TRABD2B: variants seen among roughly 807,000 people sequenced by gnomAD.
The protein encoded by TRABD2B is metalloprotease TIKI2.
In TRABD2B, 14 loss-of-function variants were observed where a neutral mutation model predicts 40.1. That is an observed-to-expected ratio of 0.35 (90% CI 0.23 to 0.55). TRABD2B has a LOEUF of 0.55. Among genes scored for constraint, TRABD2B ranks in the 20% least tolerant of loss-of-function variants. The pLI is 0.90. For missense variants in TRABD2B, 541 were observed against 648.6 expected, an observed-to-expected ratio of 0.83 and a Z score of 1.80; for synonymous variants, 263 against 277.0, an observed-to-expected ratio of 0.95 and a Z score of 0.50.
intron 2 of TRABD2B, among the ~76,000 whole-genome samples, chr1:47,867,631 C>T (rs1644079234): frequency 6.6e-6 from 1 of 152,042 alleles, no homozygotes; most frequent in Admixed American, 6.6e-5. Flanking sequence ...TTTCTTGTGA[C>T]ATTTGGGGTT....
At chr1:47,860,909 G>T (rs1466598939) in intron 2 of TRABD2B, among the ~76,000 whole-genome samples, 3 of 152,132 alleles carry the variant, frequency 2.0e-5, no homozygotes, top group Non-Finnish European at 4.4e-5. Flanking sequence ...CAACTCCCCA[G>T]CCTGCAAAAT....
chr1:47,882,507 CTT>C (rs1476784450), intron 2 of TRABD2B, among the ~76,000 whole-genome samples: 1 of 152,202 alleles, frequency 6.6e-6, no homozygotes, highest in African/African-American at 2.4e-5. Flanking sequence ...GAAGGAGAAA[CTT>C]ATAAAATGCA....
At chr1:47,944,823 A>G (rs146246049) in intron 2 of TRABD2B, among the ~76,000 whole-genome samples, 22 of 152,310 alleles carry the variant, frequency 1.4e-4, no homozygotes, top group Non-Finnish European at 2.5e-4. Flanking sequence ...CAGAACACCA[A>G]GGAGGAAATA....
At chr1:47,871,190 G>A (rs1262419036) in intron 2 of TRABD2B, among the ~76,000 whole-genome samples, 1 of 152,072 alleles carries the variant, frequency 6.6e-6, no homozygotes, top group Non-Finnish European at 1.5e-5. Flanking sequence ...AAGTAGTAAG[G>A]GGCTGAGAGT....
chr1:47,798,806 G>A (rs1362535382), intron 3 of TRABD2B, among the ~76,000 whole-genome samples: 2 of 152,138 alleles, frequency 1.3e-5, no homozygotes, highest in Non-Finnish European at 2.9e-5. Context: ...CGTATCCTCA[G>A]TGCCCTGCAG....
chr1:47,945,739 T>G (rs543782536), intron 2 of TRABD2B, among the ~76,000 whole-genome samples: 2 of 152,210 alleles, frequency 1.3e-5, no homozygotes, highest in African/African-American at 4.8e-5. Flanking sequence ...ATCAGTAGTT[T>G]TTTTCCTTTT....
In TRABD2B at chr1:47,996,867, CG is replaced by C; in HGVS notation, c.-79del. ...GGGGCGGGGAGCCCCCAGTTGGGCA[CG>C]GAGTTTCCTCTGGAGCACGGGGCTC... On this transcript the variant is annotated 5_prime_UTR_variant, in exon 1 of 7. Transcript: ENST00000606738. This position sits in a 1 kb window ranked among gnomAD's most constrained non-coding sequence, Gnocchi z 4.6. 8.7e-7 allele frequency: 1 copy of C among 1,150,000 alleles called. No individual in the cohort carries two copies. Among genetic ancestry groups the C allele is most frequent in the East Asian group, 4.3e-5 (1 of 23,360 alleles). The allele number at this position is 1,150,000 out of a possible 1,614,324, so 71.2% of individuals were successfully genotyped here.
At chr1:47,937,535 T>G (rs1289696943) in intron 2 of TRABD2B, among the ~76,000 whole-genome samples, 2 of 152,014 alleles carry the variant, frequency 1.3e-5, no homozygotes, top group African/African-American at 2.4e-5. Context: ...TTATTACAAA[T>G]GAGAAAACTG....
intron 6 of TRABD2B, among the ~76,000 whole-genome samples, chr1:47,772,290 G>A (rs928957802): frequency 4.6e-5 from 7 of 151,986 alleles, no homozygotes; most frequent in Non-Finnish European, 1.0e-4. Context: ...AGCAGGGGAA[G>A]CTTGACAAAT....
intron 2 of TRABD2B, among the ~76,000 whole-genome samples, chr1:47,839,211 ATTCT>A (rs1645360898): frequency 6.6e-6 from 1 of 152,100 alleles, no homozygotes; most frequent in Non-Finnish European, 1.5e-5. Flanking sequence ...CACAGAGTCT[ATTCT>A]CAGAGAAGAG....
intron 2 of TRABD2B, among the ~76,000 whole-genome samples, chr1:47,910,636 A>G (rs1644750059): frequency 6.6e-6 from 1 of 152,138 alleles, no homozygotes; most frequent in African/African-American, 2.4e-5. Context: ...TCAAAGCCCT[A>G]GAGTGTAGTA....
intron 6 of TRABD2B, among the ~76,000 whole-genome samples, chr1:47,768,251 G>C (rs965072242): frequency 6.6e-6 from 1 of 152,174 alleles, no homozygotes; most frequent in African/African-American, 2.4e-5. Context: ...GGAACTATCA[G>C]GAGGGGAGGG....
intron 2 of TRABD2B, among the ~76,000 whole-genome samples, chr1:47,832,331 C>CAA (rs1044080717): frequency 1.4e-5 from 2 of 140,892 alleles, no homozygotes; most frequent in Non-Finnish European, 3.1e-5. Flanking sequence ...GACTCCGTCT[C>CAA]AAAAAAAAAA....
chr1:47,880,971 C>T (rs369875467), intron 2 of TRABD2B, among the ~76,000 whole-genome samples: 5 of 152,128 alleles, frequency 3.3e-5, no homozygotes, highest in South Asian at 2.1e-4. Flanking sequence ...CGGAGAGAGA[C>T]GAGAGCACCC....
At chr1:47,795,846 C>G (rs575822449) in intron 3 of TRABD2B, among the ~76,000 whole-genome samples, 1 of 152,298 alleles carries the variant, frequency 6.6e-6, no homozygotes, top group African/African-American at 2.4e-5. Flanking sequence ...TGGCTTCCCC[C>G]AAGTTGGCTT....
At chr1:47,981,612 A>T (rs1196350778) in intron 2 of TRABD2B, among the ~76,000 whole-genome samples, 2 of 152,118 alleles carry the variant, frequency 1.3e-5, no homozygotes. Flanking sequence ...CTAGCCCCAT[A>T]TACCTCTCTG....
intron 4 of TRABD2B, among the ~76,000 whole-genome samples, chr1:47,784,693 G>A (rs947457152): frequency 2.0e-4 from 30 of 152,364 alleles, no homozygotes; most frequent in Non-Finnish European, 4.1e-4. Context: ...AGGAGGGCTG[G>A]ATGGGAGGGC....
At chr1:47,889,695 A>G (rs1644419550) in intron 2 of TRABD2B, among the ~76,000 whole-genome samples, 1 of 152,218 alleles carries the variant, frequency 6.6e-6, no homozygotes, top group South Asian at 2.1e-4. Flanking sequence ...CCAGGTATCT[A>G]GAATCCTGGA....
At chr1:47,989,763 CACACACACACAA>C (rs1462753774) in intron 2 of TRABD2B, among the ~76,000 whole-genome samples, 2 of 151,796 alleles carry the variant, frequency 1.3e-5, no homozygotes, top group Non-Finnish European at 2.9e-5. Context: ...CACACACACA[CACACACACACAA>C]ACACACACAC....
Sources: allele counts gnomAD v4.1 joint callset (sites outside exome capture counted in the v4.1 genomes callset), GRCh38; gene constraint gnomAD v4.1.1; non-coding constraint Gnocchi (gnomAD v3.1); transcripts MANE v1.5; gene names NCBI Gene and HGNC (gene_info 2026-07-23, HGNC 2026-07-21).